The following MYO18B variants were observed in gnomAD, a reference collection of about 807,000 sequenced individuals.
MYO18B encodes the protein unconventional myosin-XVIIIb.
MYO18B carries 204 observed loss-of-function variants against 273.0 expected under a neutral mutation model. That is an observed-to-expected ratio of 0.75 (90% CI 0.67 to 0.84). The LOEUF is 0.84. Among genes scored for constraint, MYO18B ranks in the 40% least tolerant of loss-of-function variants. The probability of loss-of-function intolerance (pLI) is 0.00; values close to 1 mark genes in which losing one functional copy is unlikely to be tolerated. For missense variants in MYO18B, 3,212 were observed against 3,287.6 expected (o/e 0.98, Z 0.56); for synonymous variants, 1,330 against 1,305.7 (o/e 1.02, Z -0.40).
intron 2 of MYO18B, among the ~76,000 whole-genome samples, chr22:25,762,898 T>G (rs1483123061): frequency 6.6e-6 from 1 of 152,266 alleles, no homozygotes; most frequent in Non-Finnish European, 1.5e-5. Flanking sequence ...GAGCAGGTCC[T>G]TCTAGAAATG....
intron 11 of MYO18B, among the ~76,000 whole-genome samples, chr22:25,794,220 C>T (rs1156470531): frequency 6.6e-6 from 1 of 151,162 alleles, no homozygotes; most frequent in East Asian, 2.0e-4. Context: ...GTGTGAGCCA[C>T]CGCACCTGGC....
At chr22:25,987,305 T>C (rs1038008337) in intron 39 of MYO18B, among the ~76,000 whole-genome samples, 1 of 152,244 alleles carries the variant, frequency 6.6e-6, no homozygotes, top group Non-Finnish European at 1.5e-5. Context: ...TTAATTATCA[T>C]ATGAACTGCT....
chr22:25,881,819 A>G (rs1363521136), intron 25 of MYO18B, among the ~76,000 whole-genome samples: 1 of 152,210 alleles, frequency 6.6e-6, no homozygotes, highest in East Asian at 1.9e-4. Flanking sequence ...TTGAAAAATT[A>G]AGATAAAATT....
chr22:25,817,261 TTC>T (rs1203965350), intron 12 of MYO18B, among the ~76,000 whole-genome samples: 4 of 151,996 alleles, frequency 2.6e-5, no homozygotes, highest in Non-Finnish European at 4.4e-5. Context: ...TTTCTTCTTT[TTC>T]TTTTTCTTCT....
chr22:25,861,715 C>T (rs970965207), intron 21 of MYO18B, among the ~76,000 whole-genome samples: 1 of 152,132 alleles, frequency 6.6e-6, no homozygotes, highest in Non-Finnish European at 1.5e-5. Context: ...GTCCTATCCT[C>T]CTTCACTTCC....
chr22:25,924,240 C>G (rs1205338904), intron 34 of MYO18B, among the ~76,000 whole-genome samples: 1 of 152,206 alleles, frequency 6.6e-6, no homozygotes, highest in Non-Finnish European at 1.5e-5. Context: ...TGTCCTTTGC[C>G]TGAAGGCTCC....
Position 25,768,849 on chromosome 22 carries a change from C to T in MYO18B, c.933C>T (p.Pro311=). Residue 311 remains proline, a synonymous_variant, in exon 4 of 44, where the codon CCC becomes CCT. Coordinates refer to ENST00000335473, the MANE Select transcript of MYO18B (RefSeq NM_032608.7). ...GGAGTGAAGGGAAGCACGTAAGGCC[C>T]CAAATCCCTGGGAGAAAGTGGGGAG... ...DVGSEGKHVR[P]QIPGRKWGGF... is the part of the protein sequence containing the mutation. The T allele has an allele frequency of 1.2e-6, 2 of 1,612,630 alleles. No individual in the cohort carries two copies. Among genetic ancestry groups the T allele is most frequent in the Non-Finnish European group, 1.7e-6 (2 of 1,179,368 alleles).
At chr22:25,778,158 G>A (rs1444592643) in intron 8 of MYO18B, among the ~76,000 whole-genome samples, 3 of 152,124 alleles carry the variant, frequency 2.0e-5, no homozygotes, top group African/African-American at 4.8e-5. Context: ...CACAACTTGC[G>A]GAACTGAACA....
intron 21 of MYO18B, among the ~76,000 whole-genome samples, chr22:25,862,846 TG>T (rs695260): frequency 1.6e-4 from 23 of 147,624 alleles, no homozygotes; most frequent in Admixed American, 2.7e-4. Context: ...ACTTTTTTTT[TG>T]GGGGGGGGTG....
chr22:25,743,124 A>G (rs2146509843), intron 1 of MYO18B, among the ~76,000 whole-genome samples: 1 of 152,354 alleles, frequency 6.6e-6, no homozygotes, highest in African/African-American at 2.4e-5. Flanking sequence ...AGTCGGCTCC[A>G]AGCTGTCCAG....
At chr22:25,839,967 C>T (rs1232600818) in intron 17 of MYO18B, among the ~76,000 whole-genome samples, 1 of 152,166 alleles carries the variant, frequency 6.6e-6, no homozygotes, top group Non-Finnish European at 1.5e-5. Context: ...TCCACCTCCC[C>T]CTCCTTCAGC....
intron 38 of MYO18B, 34 bp from the exon 39 acceptor site, chr22:25,955,145 C>T (rs749755059): frequency 6.5e-7 from 1 of 1,542,710 alleles, no homozygotes; most frequent in Non-Finnish European, 8.8e-7. Context: ...TGGCCTCCAA[C>T]TCCAAGGTGG....
chr22:25,921,482 C>T, intron 34 of MYO18B, 73 bp downstream of exon 34: 1 of 1,518,968 alleles, frequency 6.6e-7, no homozygotes, highest in Non-Finnish European at 8.9e-7. Flanking sequence ...TGCTGTCCCT[C>T]CCAGGTATGA....
intron 8 of MYO18B, among the ~76,000 whole-genome samples, chr22:25,778,337 G>A (rs899681334): frequency 6.6e-6 from 1 of 152,118 alleles, no homozygotes; most frequent in Admixed American, 6.5e-5. Context: ...GGCTGCAGGA[G>A]GGCTTTTTTT....
At chr22:25,889,499 A>G (rs2091597910) in intron 25 of MYO18B, among the ~76,000 whole-genome samples, 1 of 151,962 alleles carries the variant, frequency 6.6e-6, no homozygotes, top group Non-Finnish European at 1.5e-5. Flanking sequence ...AGCAGGAGGG[A>G]ATGTCCAAGG....
intron 39 of MYO18B, among the ~76,000 whole-genome samples, chr22:25,980,070 G>A (rs890434641): frequency 6.6e-6 from 1 of 152,132 alleles, no homozygotes; most frequent in African/African-American, 2.4e-5. Flanking sequence ...AGAGGACAGG[G>A]GTAGGAAACT....
chr22:25,948,523 T>C (rs369763451), intron 36 of MYO18B, among the ~76,000 whole-genome samples: 147 of 8,766 alleles, frequency 0.017, 3 homozygotes, highest in African/African-American at 0.04. Flanking sequence ...TTTCCTTCTT[T>C]CTTTCTTCCT....
In MYO18B at chr22:25,835,352, A is replaced by G. The variant is rs1239652814; in HGVS notation, c.3117A>G (p.Leu1039=). 3.1e-6 allele frequency: 5 copies of G among 1,613,982 alleles called. 1 individual carries two copies. The South Asian group carries it at 5.5e-5, about 18-fold the overall frequency. Reference sequence around the variant, plus strand: ...ATGCCAGAGGCCTTTTCTGGGTCTTAGATGAGGAAGTCCATGTAGAGGGCT... The same window carrying G: ...ATGCCAGAGGCCTTTTCTGGGTCTTGGATGAGGAAGTCCATGTAGAGGGCT... ...AQDARGLFWV[L]DEEVHVEGSS... The change falls in exon 17 of 44, where the codon TTA becomes TTG. Residue 1039 remains leucine, a synonymous_variant. Coordinates refer to ENST00000335473, the MANE Select transcript of MYO18B (RefSeq NM_032608.7).
intron 42 of MYO18B, among the ~76,000 whole-genome samples, chr22:26,015,143 C>T (rs898651185): frequency 2.6e-5 from 4 of 152,128 alleles, no homozygotes; most frequent in African/African-American, 7.2e-5. Context: ...TTCCTGTGTC[C>T]AGAATGGTAT....
Sources: allele counts gnomAD v4.1 joint callset (sites outside exome capture counted in the v4.1 genomes callset), GRCh38; gene constraint gnomAD v4.1.1; transcripts MANE v1.5; gene names NCBI Gene and HGNC (gene_info 2026-07-23, HGNC 2026-07-21).